ADAM23: variants seen among roughly 807,000 people sequenced by gnomAD.
ADAM23 encodes ADAM metallopeptidase domain 23, also known as disintegrin and metalloproteinase domain-containing protein 23.
Under a neutral mutation model 120.1 loss-of-function variants are expected in ADAM23, and 33 were observed. The observed-to-expected ratio is 0.27, with a 90% CI of 0.21 to 0.37. The LOEUF is 0.37. Ranked by LOEUF, ADAM23 falls within the 10% of genes least tolerant of loss-of-function variation. ADAM23 has a pLI of 1.00. For synonymous variants in ADAM23, 367 were observed against 375.2 expected, an observed-to-expected ratio of 0.98 and a Z score of 0.25; for missense variants, 862 against 1,058.2, an observed-to-expected ratio of 0.81 and a Z score of 2.57.
At chr2:206,493,191 T>G (rs1218448466) in intron 3 of ADAM23, among the ~76,000 whole-genome samples, 1 of 152,168 alleles carries the variant, frequency 6.6e-6, no homozygotes, top group African/African-American at 2.4e-5. Context: ...CTCCTAATCT[T>G]TTAAAATTAA....
At chr2:206,460,872 C>T (rs1429988581) in intron 2 of ADAM23, among the ~76,000 whole-genome samples, 1 of 152,062 alleles carries the variant, frequency 6.6e-6, no homozygotes, top group Admixed American at 6.5e-5. Context: ...CACTTTAGCT[C>T]TTATGTTTAG....
At chr2:206,564,317 A>G (rs1697835112) in intron 13 of ADAM23, among the ~76,000 whole-genome samples, 1 of 152,140 alleles carries the variant, frequency 6.6e-6, no homozygotes, top group Admixed American at 6.5e-5. Context: ...CTGGTATCGA[A>G]GTTAAGTTGT....
chr2:206,611,119 A>G (rs1420272676), intron 25 of ADAM23, among the ~76,000 whole-genome samples: 2 of 152,242 alleles, frequency 1.3e-5, no homozygotes, highest in African/African-American at 4.8e-5. Flanking sequence ...GATGATTTAA[A>G]TACATTCAAC....
At chr2:206,481,704 G>A (rs143247982) in intron 3 of ADAM23, among the ~76,000 whole-genome samples, 1,877 of 152,276 alleles carry the variant, frequency 0.012, 23 homozygotes, top group Non-Finnish European at 0.02. Flanking sequence ...TCTGTGGGAA[G>A]AACAGAGTAA....
At position 206,550,247 on chromosome 2, in the gene ADAM23, A is replaced by G. The variant is rs1052350653; in HGVS notation, c.933+87A>G. 73 of 756,008 alleles carry G rather than the reference A, an allele frequency of 9.7e-5. No homozygotes were observed. The East Asian group carries it at 2.3e-3, about 23-fold the overall frequency. The allele number at this position is 756,008 out of a possible 1,614,324, so 46.8% of individuals were successfully genotyped here. On this transcript the variant is annotated intron_variant, in intron 9 of 25. Coordinates refer to ENST00000264377, the MANE Select transcript of ADAM23 (RefSeq NM_003812.4). ...ACTTTATAGTTAATCATTATTTTTT[A>G]CTTATTAACCCCAAGATATTCAGAC...
intron 3 of ADAM23, among the ~76,000 whole-genome samples, chr2:206,490,257 G>GGAT (rs1259594638): frequency 8.5e-5 from 13 of 152,202 alleles, no homozygotes; most frequent in African/African-American, 3.1e-4. Context: ...TGGACTTCTA[G>GGAT]CCTTCCGAAC....
intron 2 of ADAM23, among the ~76,000 whole-genome samples, chr2:206,463,054 T>C (rs1233701725): frequency 1.3e-5 from 2 of 152,132 alleles, no homozygotes; most frequent in Non-Finnish European, 2.9e-5. Flanking sequence ...GGGATGCAAG[T>C]AGATTTGGGA....
chr2:206,616,177 A>G (rs772851704), intron 25 of ADAM23, among the ~76,000 whole-genome samples: 1 of 152,198 alleles, frequency 6.6e-6, no homozygotes, highest in Non-Finnish European at 1.5e-5. Context: ...TAGGTGGCAG[A>G]TGGAGACCCT....
chr2:206,581,514 CG>C (rs1698218397), intron 18 of ADAM23, among the ~76,000 whole-genome samples: 2 of 152,154 alleles, frequency 1.3e-5, no homozygotes, highest in Admixed American at 6.5e-5. Context: ...TTAATTTCCA[CG>C]TATTTGCATG....
At chr2:206,471,426 G>C (rs1326262755) in intron 2 of ADAM23, among the ~76,000 whole-genome samples, 1 of 152,158 alleles carries the variant, frequency 6.6e-6, no homozygotes, top group Non-Finnish European at 1.5e-5. Context: ...CCAAGGACCA[G>C]AGTAGGCAGA....
At chr2:206,586,842 A>T (rs1474077257) in intron 18 of ADAM23, among the ~76,000 whole-genome samples, 2 of 152,152 alleles carry the variant, frequency 1.3e-5, no homozygotes, top group African/African-American at 4.8e-5. Flanking sequence ...TATAATGGAG[A>T]TATAGCACTT....
At chr2:206,582,473 G>A (rs894894466) in intron 18 of ADAM23, among the ~76,000 whole-genome samples, 1 of 152,092 alleles carries the variant, frequency 6.6e-6, no homozygotes, top group South Asian at 2.1e-4. Context: ...CAGATGGTTG[G>A]TGAGTTCTTA....
chr2:206,521,727 T>G (rs989507947), intron 3 of ADAM23, among the ~76,000 whole-genome samples: 1 of 152,230 alleles, frequency 6.6e-6, no homozygotes, highest in Non-Finnish European at 1.5e-5. Context: ...TGTGAAAGCC[T>G]TGAAAGCTGC....
chr2:206,545,322 C>A (rs1411804980), intron 6 of ADAM23, among the ~76,000 whole-genome samples: 1 of 151,878 alleles, frequency 6.6e-6, no homozygotes, highest in Non-Finnish European at 1.5e-5. Flanking sequence ...CCTGTCTCCA[C>A]TAAAAATACA....
intron 3 of ADAM23, among the ~76,000 whole-genome samples, chr2:206,493,383 T>A (rs1696171293): frequency 6.6e-6 from 1 of 152,230 alleles, no homozygotes; most frequent in East Asian, 1.9e-4. Flanking sequence ...TATTTATTTA[T>A]TTTTTTGAGA....
At chr2:206,509,551 C>G (rs1696577718) in intron 3 of ADAM23, among the ~76,000 whole-genome samples, 1 of 152,080 alleles carries the variant, frequency 6.6e-6, no homozygotes, top group African/African-American at 2.4e-5. Flanking sequence ...TGAGTTCTAG[C>G]GATTCTCCTG....
intron 2 of ADAM23, among the ~76,000 whole-genome samples, chr2:206,455,449 G>A (rs1574476454): frequency 6.6e-6 from 1 of 152,298 alleles, no homozygotes; most frequent in East Asian, 1.9e-4. Flanking sequence ...TCTCTGAAAT[G>A]CCTTGGAGGC....
At chr2:206,509,253 G>A (rs1362854695) in intron 3 of ADAM23, among the ~76,000 whole-genome samples, 1 of 152,044 alleles carries the variant, frequency 6.6e-6, no homozygotes, top group Non-Finnish European at 1.5e-5. Flanking sequence ...AAACAGATTC[G>A]TATTCAGAAG....
intron 2 of ADAM23, among the ~76,000 whole-genome samples, chr2:206,477,104 A>G (rs1695790401): frequency 6.6e-6 from 1 of 152,202 alleles, no homozygotes; most frequent in Non-Finnish European, 1.5e-5. Flanking sequence ...AGCCTATTTA[A>G]TGTACCCTAC....
Sources: gnomAD v4.1 joint callset for allele counts (sites outside exome capture counted in the v4.1 genomes callset) on GRCh38, gnomAD v4.1.1 for gene constraint, MANE v1.5 for transcripts, NCBI Gene and HGNC (gene_info 2026-07-23, HGNC 2026-07-21) for gene names.